Variants in VPS13B observed in about 807,000 individuals in gnomAD.
VPS13B encodes intermembrane lipid transfer protein VPS13B.
VPS13B carries 285 observed loss-of-function variants against 426.4 expected under a neutral mutation model. The ratio of observed to expected loss-of-function variants is 0.67; its 90% CI spans 0.61 to 0.74. VPS13B has a LOEUF of 0.74. Among genes scored for constraint, VPS13B ranks in the 30% least tolerant of loss-of-function variants. VPS13B has a pLI of 0.00. For missense variants in VPS13B, 4,537 were observed against 4,782.6 expected, an observed-to-expected ratio of 0.95 and a Z score of 1.51; for synonymous variants, 1,676 against 1,676.4, an observed-to-expected ratio of 1.00 and a Z score of 0.01.
intron 3 of VPS13B, among the ~76,000 whole-genome samples, chr8:99,089,582 A>G (rs1846033467): frequency 6.6e-6 from 1 of 152,194 alleles, no homozygotes; most frequent in Non-Finnish European, 1.5e-5. Flanking sequence ...CAGTTGGTTG[A>G]AAGAATTTAT....
At chr8:99,109,539 C>T (rs1353680382) in intron 5 of VPS13B, among the ~76,000 whole-genome samples, 1 of 152,068 alleles carries the variant, frequency 6.6e-6, no homozygotes, top group Non-Finnish European at 1.5e-5. Context: ...TTTGCCACCA[C>T]ACCCAGCTAA....
intron 17 of VPS13B, among the ~76,000 whole-genome samples, chr8:99,212,909 C>T (rs755261531): frequency 2.0e-5 from 3 of 152,140 alleles, no homozygotes; most frequent in South Asian, 2.1e-4. Context: ...GGCTAAGTCA[C>T]GCTTTCATAT....
chr8:99,376,915 A>T (rs1215344610), intron 19 of VPS13B, among the ~76,000 whole-genome samples: 3 of 152,094 alleles, frequency 2.0e-5, no homozygotes, highest in Non-Finnish European at 4.4e-5. Context: ...TCAACTCAAT[A>T]TCTTTTTTCT....
chr8:99,450,337 A>G (rs1158538236), intron 23 of VPS13B, among the ~76,000 whole-genome samples: 1 of 152,208 alleles, frequency 6.6e-6, no homozygotes, highest in Non-Finnish European at 1.5e-5. Flanking sequence ...TCTATTATAG[A>G]AAACAACTTT....
rs10710929 is a variant in VPS13B, at chr8:99,859,523, C to CTTT, written c.11044+56_11044+58dup. 2.6e-3 allele frequency: 3,836 copies of CTTT among 1,473,282 alleles called. 64 individuals are homozygous for CTTT. In the African/African-American group the frequency reaches 0.05, roughly 19 times the overall value. The allele number at this position is 1,473,282 out of a possible 1,614,324, so 91.3% of individuals were successfully genotyped here. On this transcript the variant is annotated intron_variant, in intron 57 of 61. Coordinates refer to ENST00000357162, the MANE Select transcript of VPS13B (RefSeq NM_152564.5). ...TTGTAATAATGCCTTCACTCCTTCC[C>CTTT]TTTTTTTTTTTTTTTAAAGAATGTG... is the stretch of plus-strand genomic sequence containing the variant.
intron 31 of VPS13B, among the ~76,000 whole-genome samples, chr8:99,572,910 G>C (rs1588507237): frequency 6.6e-6 from 1 of 151,732 alleles, no homozygotes; most frequent in Admixed American, 6.6e-5. Context: ...CTAATTTACA[G>C]TCCCACCAAC....
intron 35 of VPS13B, among the ~76,000 whole-genome samples, chr8:99,693,364 A>T (rs2130109362): frequency 6.6e-6 from 1 of 151,016 alleles, no homozygotes; most frequent in East Asian, 1.9e-4. Context: ...AGTGGGCATC[A>T]TCCCTGGGAT....
intron 54 of VPS13B, among the ~76,000 whole-genome samples, chr8:99,842,417 G>A (rs1220231191): frequency 6.6e-6 from 1 of 151,722 alleles, no homozygotes. Context: ...GACCCATCTG[G>A]GCAACATAGC....
intron 23 of VPS13B, among the ~76,000 whole-genome samples, chr8:99,447,213 G>A (rs921718858): frequency 1.3e-5 from 2 of 152,096 alleles, no homozygotes; most frequent in Admixed American, 6.6e-5. Flanking sequence ...CAACATGTTG[G>A]TGGCACTATG....
intron 61 of VPS13B, 74 bp from the exon 62 acceptor site, chr8:99,875,344 G>A (rs1817647218): frequency 5.6e-6 from 9 of 1,601,024 alleles, no homozygotes; most frequent in Non-Finnish European, 7.7e-6. Flanking sequence ...AATATATCGA[G>A]GCAAAAGAAC....
At chr8:99,341,924 C>T (rs533567043) in intron 19 of VPS13B, among the ~76,000 whole-genome samples, 5 of 152,176 alleles carry the variant, frequency 3.3e-5, no homozygotes, top group South Asian at 2.1e-4. Flanking sequence ...ACAAGGCTCC[C>T]GACTGGGGCT....
At chr8:99,591,554 C>G (rs552069487) in intron 33 of VPS13B, among the ~76,000 whole-genome samples, 1 of 152,186 alleles carries the variant, frequency 6.6e-6, no homozygotes. Flanking sequence ...GTGGTGGTGA[C>G]AAAATCTCTC....
chr8:99,573,111 G>T (rs1177983175), intron 31 of VPS13B, among the ~76,000 whole-genome samples: 1 of 152,182 alleles, frequency 6.6e-6, no homozygotes. Flanking sequence ...CTTTTGAGAA[G>T]TGTCTGTTCA....
At chr8:99,454,691 T>A (rs1818360251) in intron 23 of VPS13B, among the ~76,000 whole-genome samples, 1 of 152,122 alleles carries the variant, frequency 6.6e-6, no homozygotes, top group Non-Finnish European at 1.5e-5. Context: ...GTAAAAATGT[T>A]TAGTTCGGTA....
intron 33 of VPS13B, among the ~76,000 whole-genome samples, chr8:99,632,465 A>T (rs1293157615): frequency 1.3e-5 from 2 of 151,998 alleles, no homozygotes; most frequent in African/African-American, 2.4e-5. Context: ...ACATATCAGC[A>T]TATTAAAATT....
chr8:99,599,174 T>C (rs1410113202), intron 33 of VPS13B, among the ~76,000 whole-genome samples: 1 of 151,966 alleles, frequency 6.6e-6, no homozygotes, highest in Non-Finnish European at 1.5e-5. Flanking sequence ...CAGGTAAAAC[T>C]CCCTTTGCTC....
At chr8:99,269,609 G>C (rs1818470323) in intron 17 of VPS13B, among the ~76,000 whole-genome samples, 1 of 152,146 alleles carries the variant, frequency 6.6e-6, no homozygotes, top group African/African-American at 2.4e-5. Flanking sequence ...TGTATTACAA[G>C]GTAAAGAATG....
intron 29 of VPS13B, among the ~76,000 whole-genome samples, chr8:99,520,267 A>T (rs1278409093): frequency 6.6e-6 from 1 of 152,142 alleles, no homozygotes; most frequent in African/African-American, 2.4e-5. Context: ...ATTAAAAAGT[A>T]TCTAGAATAA....
At chr8:99,546,328 A>G (rs1823973702) in intron 30 of VPS13B, among the ~76,000 whole-genome samples, 1 of 151,818 alleles carries the variant, frequency 6.6e-6, no homozygotes, top group South Asian at 2.1e-4. Context: ...AGTCTTTATC[A>G]TGTTTAATTT....
Sources: gnomAD v4.1 joint callset for allele counts (sites outside exome capture counted in the v4.1 genomes callset) on GRCh38, gnomAD v4.1.1 for gene constraint, MANE v1.5 for transcripts, NCBI Gene and HGNC (gene_info 2026-07-23, HGNC 2026-07-21) for gene names.